Variants in PRPF38A observed in about 807,000 individuals in gnomAD.
The protein encoded by PRPF38A is pre-mRNA processing factor 38A.
Under a neutral mutation model 46.8 loss-of-function variants are expected in PRPF38A, and 11 were observed. The ratio of observed to expected loss-of-function variants is 0.24; its 90% confidence interval spans 0.15 to 0.39. The LOEUF (loss-of-function observed/expected upper bound fraction) is 0.39, where lower values mean the gene tolerates loss of function less well. Ranked by LOEUF, PRPF38A falls within the 10% of genes least tolerant of loss-of-function variation. The pLI, the probability that PRPF38A is intolerant of heterozygous loss-of-function variation, is 1.00. For missense variants in PRPF38A, 261 were observed against 407.5 expected (o/e 0.64, Z 3.10); for synonymous variants, 124 against 136.2 (o/e 0.91, Z 0.62).
rs768783912 is a variant in PRPF38A, at chr1:52,413,936, C to A, written c.667C>A (p.Pro223Thr). 1.2e-6 allele frequency: 2 copies of A among 1,614,070 alleles called. No homozygotes were observed. The highest frequency in any genetic ancestry group is 2.2e-5 in the East Asian group (1 of 44,878). The change falls in exon 6 of 10, where the codon CCC becomes ACC. Residue 223 changes from proline (P) to threonine (T), a missense_variant. This residue lies in a region of PRPF38A where 180 missense variants were observed against 221.0 expected (regional missense o/e 0.81). Transcript: ENST00000257181. ...GAGAAGCTACCGAGACTTGGACAAG[C>A]CCCGTCGCTCTCCCACACTGCGCTA... Reference protein sequence around the residue: ...RRRSYRDLDKPRRSPTLRYRR... With the variant: ...RRRSYRDLDKTRRSPTLRYRR...
chr1:52,410,702 A>G (rs1259790783), intron 3 of PRPF38A, among the ~76,000 whole-genome samples: 2 of 152,050 alleles, frequency 1.3e-5, no homozygotes, highest in African/African-American at 4.8e-5. Context: ...GGGTTTCGCC[A>G]TGTTGGCCAG....
chr1:52,416,414 T>A (rs1648293171), intron 9 of PRPF38A, among the ~76,000 whole-genome samples: 1 of 151,640 alleles, frequency 6.6e-6, no homozygotes, highest in Admixed American at 6.6e-5. Flanking sequence ...GTTCAAGCAA[T>A]TCTCCTGTCC....
At chr1:52,411,034 G>GTGTT in intron 3 of PRPF38A, 81 bp from the exon 4 acceptor site, 1 of 960,854 alleles carries the variant, frequency 1.0e-6, no homozygotes, top group South Asian at 1.4e-5. Flanking sequence ...GTCCTGATAT[G>GTGTT]AAGTCTTAAC....
intron 2 of PRPF38A, among the ~76,000 whole-genome samples, chr1:52,407,054 G>C (rs774311759): frequency 6.6e-6 from 1 of 152,218 alleles, no homozygotes; most frequent in Non-Finnish European, 1.5e-5. Flanking sequence ...GTCTCGCTCT[G>C]TTGCCCAGGC....
intron 8 of PRPF38A, 40 bp downstream of exon 8, chr1:52,414,899 A>C (rs1192958938): frequency 3.1e-6 from 5 of 1,597,760 alleles, no homozygotes; most frequent in Non-Finnish European, 4.3e-6. Flanking sequence ...TGTCTTAACA[A>C]AGAAATGTAA....
chr1:52,416,500 G>A, intron 9 of PRPF38A, 148 bp from the exon 10 acceptor site: 1 of 571,996 alleles, frequency 1.7e-6, no homozygotes, highest in Non-Finnish European at 3.2e-6. Flanking sequence ...GTAGAGACAG[G>A]GTTTCACCAT....
At chr1:52,415,633 C>T (rs905973639) in intron 9 of PRPF38A, among the ~76,000 whole-genome samples, 2 of 152,090 alleles carry the variant, frequency 1.3e-5, no homozygotes, top group African/African-American at 4.8e-5. Context: ...ACTGCAGCCT[C>T]TGCCTCCCGG....
rs375050573 is a variant in PRPF38A, at chr1:52,419,472, C to G, written c.*2782C>G. The G allele has an allele frequency of 6.6e-6, 1 of 151,288 alleles. No individual in the cohort carries two copies. The highest frequency in any genetic ancestry group is 1.5e-5 in the Non-Finnish European group (1 of 67,920). 9.4% of individuals were successfully genotyped at this position (151,288 alleles called of 1,614,324 possible). Reference sequence around the variant, plus strand: ...TCCTGTTTGTTATTCTTCAGTAGACCGAAGTTTAAATAAGCATTATTTAGA... The same window carrying G: ...TCCTGTTTGTTATTCTTCAGTAGACGGAAGTTTAAATAAGCATTATTTAGA... On this transcript the variant is annotated 3_prime_UTR_variant, in exon 10 of 10. Transcript: ENST00000257181.
rs764346513 is a variant in PRPF38A at position 52,412,610 on chromosome 1, G to A, written c.595G>A (p.Glu199Lys). The change falls in exon 5 of 10, where the codon GAG becomes AAG. Residue 199 changes from glutamate (E) to lysine (K), a missense_variant. Physicochemically the swap from Glu to Lys is moderately conservative, Grantham distance 56. Transcript: ENST00000257181. ...DDVESSEEEE[E>K]EDEKLERVPS... The stretch of plus-strand genomic sequence containing the variant: ...TGTGGAGTCCAGTGAAGAGGAAGAA[G>A]AGGAGGATGAGAAGGTCTGGCACCT... 1.2e-6 allele frequency: 2 copies of A among 1,610,246 alleles called. No individual in the cohort carries two copies. Among genetic ancestry groups the A allele is most frequent in the East Asian group, 4.5e-5 (2 of 44,870 alleles).
rs1025153622 is a variant in PRPF38A at position 52,417,975 on chromosome 1, C to T, written c.*1285C>T. 1.3e-5 allele frequency: 2 copies of T among 152,018 alleles called. No individual in the cohort carries two copies. Among genetic ancestry groups the T allele is most frequent in the Non-Finnish European group, 2.9e-5 (2 of 68,028 alleles). 9.4% of individuals were successfully genotyped at this position (152,018 alleles called of 1,614,324 possible). A position where few individuals can be genotyped will look rare whatever the true frequency, so the allele number is the denominator to read the frequency against. ...ATCTTTGCTAGAAGAGTTCCTTTAC[C>T]TGTACTTAACTCCCTTAAAAAGAGA... is the stretch of plus-strand genomic sequence containing the variant. On this transcript the variant is annotated 3_prime_UTR_variant, in exon 10 of 10. Transcript: ENST00000257181.
chr1:52,416,228 C>CA (rs1197760033), intron 9 of PRPF38A, among the ~76,000 whole-genome samples: 1 of 151,272 alleles, frequency 6.6e-6, no homozygotes, highest in Non-Finnish European at 1.5e-5. Context: ...TGCTCTGAGT[C>CA]AAAAAAATAC....
At chr1:52,412,100 A>G (rs568820897) in intron 4 of PRPF38A, among the ~76,000 whole-genome samples, 1 of 152,308 alleles carries the variant, frequency 6.6e-6, no homozygotes, top group South Asian at 2.1e-4. Flanking sequence ...ATGAATATCA[A>G]CAGCTCCCGA....
In PRPF38A at chr1:52,420,240, C is replaced by A. The variant is rs1300298635; in HGVS notation, c.*3550C>A. ...CAAATCATGAGTCTTTGGGAAAAAA[C>A]CGCCCAATAATGAAATTCAACTAAA... On this transcript the variant is annotated 3_prime_UTR_variant, in exon 10 of 10. Coordinates refer to ENST00000257181, the MANE Select transcript of PRPF38A (RefSeq NM_032864.4). The A allele has an allele frequency of 6.6e-6, 1 of 152,132 alleles. No individual in the cohort carries two copies. Among genetic ancestry groups the A allele is most frequent in the African/African-American group, 2.4e-5 (1 of 41,420 alleles). 9.4% of individuals were successfully genotyped at this position (152,132 alleles called of 1,614,324 possible). A position where few individuals can be genotyped will look rare whatever the true frequency, so the allele number is the denominator to read the frequency against.
intron 9 of PRPF38A, 74 bp downstream of exon 9, chr1:52,415,460 G>A (rs1648263851): frequency 7.6e-7 from 1 of 1,310,646 alleles, no homozygotes; most frequent in Non-Finnish European, 1.1e-6. Flanking sequence ...AAATTTTCTT[G>A]TTTTGTTGGG....
intron 9 of PRPF38A, among the ~76,000 whole-genome samples, chr1:52,415,689 C>G (rs1441225441): frequency 6.6e-6 from 1 of 152,006 alleles, no homozygotes; most frequent in East Asian, 1.9e-4. Context: ...CAGCTTTGGA[C>G]AATGGATGAG....
chr1:52,412,314 G>A (rs544232799), intron 4 of PRPF38A, among the ~76,000 whole-genome samples, 200 bp from the exon 5 acceptor site: 1 of 152,288 alleles, frequency 6.6e-6, no homozygotes, highest in Admixed American at 6.5e-5. Context: ...AAATGAAGAT[G>A]TTCTCTTCAG....
chr1:52,412,975 T>C (rs6684344), intron 5 of PRPF38A, among the ~76,000 whole-genome samples: 44,263 of 140,530 alleles, frequency 0.31, 9,625 homozygotes, highest in African/African-American at 0.66. Flanking sequence ...GCACTCCAGC[T>C]TGGGCAAAAG....
intron 2 of PRPF38A, among the ~76,000 whole-genome samples, chr1:52,406,693 G>C (rs141458629): frequency 1.3e-5 from 2 of 152,296 alleles, no homozygotes; most frequent in East Asian, 3.9e-4. Flanking sequence ...CGATTCTCGA[G>C]GAAATCACAA....
rs538872558 is a variant in PRPF38A at position 52,416,890 on chromosome 1, A to G, written c.*200A>G. Reference sequence around the variant, plus strand: ...ATAATCAACATCAGTTTTTGACCCAACTAACCTTGACTGTATTCAAACTTA... The same window carrying G: ...ATAATCAACATCAGTTTTTGACCCAGCTAACCTTGACTGTATTCAAACTTA... On this transcript the variant is annotated 3_prime_UTR_variant, in exon 10 of 10. Transcript: ENST00000257181. 2.8e-5 allele frequency: 16 copies of G among 578,614 alleles called. No homozygotes were observed. The highest frequency in any genetic ancestry group is 4.7e-5 in the Non-Finnish European group (15 of 320,084). The allele number at this position is 578,614 out of a possible 1,614,324, so 35.8% of individuals were successfully genotyped here.
Sources: allele counts gnomAD v4.1 joint callset (sites outside exome capture counted in the v4.1 genomes callset), GRCh38; gene constraint gnomAD v4.1.1; regional missense constraint gnomAD v4.1.1; transcripts MANE v1.5; gene names NCBI Gene and HGNC (gene_info 2026-07-23, HGNC 2026-07-21).